The following PAK5 variants were observed in gnomAD, a reference collection of about 807,000 sequenced individuals.
PAK5 encodes the protein p21 (RAC1) activated kinase 5.
Under a neutral mutation model 65.9 loss-of-function variants are expected in PAK5, and 16 were observed. The ratio of observed to expected loss-of-function variants is 0.24; its 90% CI spans 0.16 to 0.37. The LOEUF (loss-of-function observed/expected upper bound fraction) is 0.37. Ranked by LOEUF, PAK5 falls within the 10% of genes least tolerant of loss-of-function variation. PAK5 has a pLI of 1.00. For synonymous variants in PAK5, 371 were observed against 354.9 expected (o/e 1.05, Z -0.51); for missense variants, 785 against 903.9 (o/e 0.87, Z 1.69).
chr20:9,667,581 T>C (rs1283365304), intron 2 of PAK5, among the ~76,000 whole-genome samples: 1 of 152,138 alleles, frequency 6.6e-6, no homozygotes, highest in Non-Finnish European at 1.5e-5. Context: ...GTTCATCTTC[T>C]AGTTGCATAC....
At chr20:9,551,538 A>C (rs1327221550) in intron 7 of PAK5, among the ~76,000 whole-genome samples, 1 of 152,156 alleles carries the variant, frequency 6.6e-6, no homozygotes, top group African/African-American at 2.4e-5. Context: ...GAGAGTGGGC[A>C]AAAGAGAGTC....
At position 9,565,885 on chromosome 20, in the gene PAK5, C is replaced by T. The variant is rs2045667726; in HGVS notation, c.1482+8G>A. Reference sequence around the variant, plus strand: ...GGAGAGAAAGGATGACCCAAACACACTCTTTACCTCATTGAAAAGCAGTTC... The same window carrying T: ...GGAGAGAAAGGATGACCCAAACACATTCTTTACCTCATTGAAAAGCAGTTC... On this transcript the variant is annotated splice_region_variant and intron_variant, in intron 5 of 9. Transcript: ENST00000353224. 1.2e-6 allele frequency: 2 copies of T among 1,608,036 alleles called. No individual in the cohort carries two copies. The highest frequency in any genetic ancestry group is 3.3e-5 in the Admixed American group (2 of 59,790).
chr20:9,725,317 T>C (rs1338256773), intron 1 of PAK5, among the ~76,000 whole-genome samples: 1 of 142,732 alleles, frequency 7.0e-6, no homozygotes, highest in East Asian at 2.0e-4. Flanking sequence ...AGGAAAGATG[T>C]TTTGAAGGTT....
At chr20:9,711,901 G>A (rs2048081791) in intron 1 of PAK5, among the ~76,000 whole-genome samples, 1 of 152,174 alleles carries the variant, frequency 6.6e-6, no homozygotes, top group Non-Finnish European at 1.5e-5. Flanking sequence ...GAGAAATAGA[G>A]GGTTAGGTTT....
intron 4 of PAK5, among the ~76,000 whole-genome samples, chr20:9,571,820 G>T (rs1428019957): frequency 2.1e-5 from 3 of 143,704 alleles, no homozygotes; most frequent in Non-Finnish European, 4.5e-5. Context: ...AATCCAGACA[G>T]AGTCGCTTCA....
At chr20:9,801,913 T>TGA (rs774214677) in intron 1 of PAK5, among the ~76,000 whole-genome samples, 2 of 151,862 alleles carry the variant, frequency 1.3e-5, no homozygotes, top group Non-Finnish European at 2.9e-5. Context: ...GAAGCAAGAG[T>TGA]GAGAGACATG....
At chr20:9,809,557 A>C (rs2049274247) in intron 1 of PAK5, among the ~76,000 whole-genome samples, 1 of 152,148 alleles carries the variant, frequency 6.6e-6, no homozygotes, top group Non-Finnish European at 1.5e-5. Flanking sequence ...GGGTGTATTT[A>C]TAAGCACCAC....
intron 1 of PAK5, among the ~76,000 whole-genome samples, chr20:9,810,556 G>GAAGA (rs773712002): frequency 5.3e-5 from 8 of 152,122 alleles, no homozygotes; most frequent in Non-Finnish European, 7.4e-5. Context: ...CAAAGAAAAG[G>GAAGA]AAGCAAGAAA....
At chr20:9,562,023 T>C (rs966211807) in intron 6 of PAK5, among the ~76,000 whole-genome samples, 2 of 152,180 alleles carry the variant, frequency 1.3e-5, no homozygotes, top group Non-Finnish European at 2.9e-5. Context: ...GGCACTGTCC[T>C]AGCACATATT....
chr20:9,824,090 A>G (rs1444998317), intron 1 of PAK5, among the ~76,000 whole-genome samples: 1 of 152,232 alleles, frequency 6.6e-6, no homozygotes, highest in African/African-American at 2.4e-5. Context: ...TTACTGCTCA[A>G]TCATTGTTTT....
At chr20:9,709,560 A>G (rs1360297011) in intron 2 of PAK5, among the ~76,000 whole-genome samples, 1 of 152,084 alleles carries the variant, frequency 6.6e-6, no homozygotes, top group Non-Finnish European at 1.5e-5. Context: ...CCTCCTGTGA[A>G]CTTGTAGAGT....
intron 2 of PAK5, among the ~76,000 whole-genome samples, chr20:9,703,746 TC>T (rs80042434): frequency 0.31 from 46,754 of 151,298 alleles, 7,573 homozygotes; most frequent in African/African-American, 0.41. Context: ...ACAACATATA[TC>T]CCCCCCTCCA....
chr20:9,697,829 A>G (rs1463783502), intron 2 of PAK5, among the ~76,000 whole-genome samples: 1 of 152,118 alleles, frequency 6.6e-6, no homozygotes, highest in Admixed American at 6.6e-5. Flanking sequence ...TTAGGCTGAC[A>G]TAATTATTAA....
chr20:9,791,336 C>G (rs2049048113), intron 1 of PAK5, among the ~76,000 whole-genome samples: 1 of 152,114 alleles, frequency 6.6e-6, no homozygotes, highest in Non-Finnish European at 1.5e-5. Context: ...TCCACCTTCT[C>G]TTCCATTTGA....
intron 3 of PAK5, among the ~76,000 whole-genome samples, chr20:9,606,661 C>T (rs1020931849): frequency 8.5e-5 from 13 of 152,222 alleles, no homozygotes; most frequent in South Asian, 6.2e-4. Context: ...TAGTTGGCAA[C>T]GGTGACCCAT....
chr20:9,760,396 GT>G (rs1363470134), intron 1 of PAK5, among the ~76,000 whole-genome samples: 1 of 152,024 alleles, frequency 6.6e-6, no homozygotes, highest in Non-Finnish European at 1.5e-5. Flanking sequence ...AATGGCTCTT[GT>G]TTTCAATTCT....
rs562092025 is a variant in PAK5 at position 9,610,435 on chromosome 20, T to G, written c.205-29505A>C. ...AAAACTGCTGGGCATGGGGTTTTGA[T>G]GTGGTTCCATCCCATGACTGTAGAC... On this transcript the variant is annotated intron_variant, in intron 3 of 9. Coordinates refer to ENST00000353224, the MANE Select transcript of PAK5 (RefSeq NM_177990.4). Among the ~76,000 whole-genome samples, 13 of 152,336 alleles carry G rather than the reference T, an allele frequency of 8.5e-5. No homozygotes were observed. The East Asian group carries it at 2.5e-3, about 29-fold the overall frequency.
intron 7 of PAK5, among the ~76,000 whole-genome samples, chr20:9,549,057 G>A (rs1449681689): frequency 6.6e-6 from 1 of 152,160 alleles, no homozygotes; most frequent in East Asian, 1.9e-4. Flanking sequence ...GGGCCTTGTA[G>A]TTGTGATACG....
intron 1 of PAK5, among the ~76,000 whole-genome samples, chr20:9,782,575 T>G (rs1360444273): frequency 6.6e-6 from 1 of 152,106 alleles, no homozygotes; most frequent in African/African-American, 2.4e-5. Context: ...ATTCCTTACC[T>G]CCTACACAGG....
Sources: allele counts gnomAD v4.1 joint callset (sites outside exome capture counted in the v4.1 genomes callset), GRCh38; gene constraint gnomAD v4.1.1; transcripts MANE v1.5; gene names NCBI Gene and HGNC (gene_info 2026-07-23, HGNC 2026-07-21).